The following AP3B2 variants were observed in gnomAD, a reference collection of about 807,000 sequenced individuals.
AP3B2 encodes AP-3 complex subunit beta-2.
Under a neutral mutation model 126.9 loss-of-function variants are expected in AP3B2, and 50 were observed. The ratio of observed to expected loss-of-function variants is 0.39; its 90% CI spans 0.31 to 0.50. The LOEUF (loss-of-function observed/expected upper bound fraction) is 0.50, where lower values mean the gene tolerates loss of function less well. Ranked by LOEUF, AP3B2 falls within the 20% of genes least tolerant of loss-of-function variation. AP3B2 has a pLI of 0.79. For missense variants in AP3B2, 1,177 were observed against 1,426.4 expected (o/e 0.83, Z 2.82); for synonymous variants, 541 against 565.0 (o/e 0.96, Z 0.60).
chr15:82,666,308 G>T (rs2048057042), intron 15 of AP3B2, among the ~76,000 whole-genome samples: 1 of 152,260 alleles, frequency 6.6e-6, no homozygotes, highest in Non-Finnish European at 1.5e-5. Flanking sequence ...CTGGGATTTG[G>T]ACTGACTGTA....
At chr15:82,661,354 C>T (rs2047944400) in intron 25 of AP3B2, among the ~76,000 whole-genome samples, 1 of 152,186 alleles carries the variant, frequency 6.6e-6, no homozygotes, top group Non-Finnish European at 1.5e-5. Flanking sequence ...ATGATCTTCC[C>T]TCCTCCCTTG....
intron 1 of AP3B2, among the ~76,000 whole-genome samples, chr15:82,707,970 C>G (rs1455489022): frequency 1.3e-5 from 2 of 152,100 alleles, no homozygotes; most frequent in Non-Finnish European, 2.9e-5. Flanking sequence ...GTTTGCTGCC[C>G]CAACACTTCA....
rs1477461350 is a variant in AP3B2 at position 82,677,571 on chromosome 15, G to A, written c.1378+100C>T. On this transcript the variant is annotated intron_variant, in intron 12 of 26. Coordinates refer to ENST00000535359, the MANE Select transcript of AP3B2 (RefSeq NM_001278512.2). ...ACAGACAGACCAATGGATACACATT[G>A]TGTCTAGGCAGACTGGTGGATATCC... The A allele has an allele frequency of 3.5e-6, 5 of 1,434,918 alleles. No individual in the cohort carries two copies. The East Asian group carries it at 1.0e-4, about 29-fold the overall frequency. The allele number at this position is 1,434,918 out of a possible 1,614,324, so 88.9% of individuals were successfully genotyped here.
At chr15:82,682,070 T>TTTTA (rs11388329) in intron 4 of AP3B2, among the ~76,000 whole-genome samples, 1 of 139,088 alleles carries the variant, frequency 7.2e-6, no homozygotes. Flanking sequence ...TTTTTTTTTT[T>TTTTA]GAGATGGAGT....
chr15:82,691,660 GA>G, intron 1 of AP3B2: 1 of 1,220,532 alleles, frequency 8.2e-7, no homozygotes, highest in Non-Finnish European at 1.1e-6. Flanking sequence ...CTGGAATGCA[GA>G]TTCTGAGCAC....
Position 82,681,187 on chromosome 15 carries a change from G to A in AP3B2, c.522-9C>T. ...TCTGGTCAGAGTCCAAACTGAGGGA[G>A]AAATCGGTGAGGGGAATTTGCCACT... On this transcript the variant is annotated splice_polypyrimidine_tract_variant and intron_variant, in intron 5 of 26. Transcript: ENST00000535359. The surrounding 1 kb of genome is among the most constrained non-coding windows in gnomAD (Gnocchi z 4.0). 1.2e-6 allele frequency: 2 copies of A among 1,608,548 alleles called. No individual in the cohort carries two copies. Among genetic ancestry groups the A allele is most frequent in the Non-Finnish European group, 1.7e-6 (2 of 1,177,462 alleles).
chr15:82,689,263 G>T (rs1442046070), intron 2 of AP3B2, 31 bp from the exon 3 acceptor site: 1 of 1,613,350 alleles, frequency 6.2e-7, no homozygotes, highest in African/African-American at 1.3e-5. Context: ...AGGGGAAGAG[G>T]GACAAAGCGA....
In AP3B2 at chr15:82,662,700, C is replaced by T. The variant is rs750043916; in HGVS notation, c.2827G>A (p.Glu943Lys). 1.1e-5 allele frequency: 17 copies of T among 1,612,264 alleles called. No homozygotes were observed. Among genetic ancestry groups the T allele is most frequent in the Admixed American group, 6.7e-5 (4 of 59,808 alleles). The change falls in exon 23 of 27, where the codon GAA becomes AAA. Residue 943 changes from glutamate to lysine, a missense_variant. Around this residue, in one of 5 missense-constraint regions of AP3B2, gnomAD observed 587 missense variants for 571.3 expected, o/e 1.03. Transcript: ENST00000535359. ...PAGISIQEFP[E>K]IESLAPGESA... is the part of the protein sequence containing the mutation. ...CATCCAAAGCCCTTCGCACCAATTT[C>T]GGGAAATTCTTGGATGCTGATGCCA...
rs1023951328 is a variant in AP3B2 at position 82,665,034 on chromosome 15, G to T, written c.2029-91C>A. On this transcript the variant is annotated intron_variant, in intron 17 of 26. Coordinates refer to ENST00000535359, the MANE Select transcript of AP3B2 (RefSeq NM_001278512.2). The surrounding 1 kb of genome is among the most constrained non-coding windows in gnomAD (Gnocchi z 4.4). ...CCCTTACCCTTTATTCCACCTCTTT[G>T]TGAGGCCCTACCTGGTCTGTCCCAC... 4 of 1,126,732 alleles carry T rather than the reference G, an allele frequency of 3.6e-6. No individual in the cohort carries two copies. Among genetic ancestry groups the T allele is most frequent in the Non-Finnish European group, 3.9e-6 (3 of 766,224 alleles). 69.8% of individuals were successfully genotyped at this position (1,126,732 alleles called of 1,614,324 possible). A position where few individuals can be genotyped will look rare whatever the true frequency, so the allele number is the denominator to read the frequency against.
chr15:82,704,247 A>G (rs1490596862), intron 1 of AP3B2, among the ~76,000 whole-genome samples: 1 of 152,228 alleles, frequency 6.6e-6, no homozygotes, highest in African/African-American at 2.4e-5. Flanking sequence ...CTTATTCTCA[A>G]TATACATTTT....
chr15:82,664,823 C>T lies in AP3B2; in HGVS notation c.2137+12G>A. On this transcript the variant is annotated intron_variant, in intron 18 of 26. Coordinates refer to ENST00000535359, the MANE Select transcript of AP3B2 (RefSeq NM_001278512.2). This position sits in a 1 kb window ranked among gnomAD's most constrained non-coding sequence, Gnocchi z 4.5. ...CAGAGCACAGAGGACCCCAGCTCTG[C>T]CATCTGCTCACCACTGTCTGCGGAC... 1 of 1,569,868 alleles carries T rather than the reference C, an allele frequency of 6.4e-7. No homozygotes were observed. Among genetic ancestry groups the T allele is most frequent in the Non-Finnish European group, 8.7e-7 (1 of 1,152,078 alleles).
At chr15:82,679,205 CCT>C (rs2048289772) in intron 10 of AP3B2, among the ~76,000 whole-genome samples, 1 of 152,194 alleles carries the variant, frequency 6.6e-6, no homozygotes, top group Admixed American at 6.5e-5. Context: ...CTCACTGCAA[CCT>C]CTGTCTCCCA....
Position 82,679,813 on chromosome 15 carries a change from A to G in AP3B2, c.1111-13T>C, listed in dbSNP as rs747022169. The G allele has an allele frequency of 6.2e-7, 1 of 1,613,192 alleles. No individual in the cohort carries two copies. Among genetic ancestry groups the G allele is most frequent in the Non-Finnish European group, 8.5e-7 (1 of 1,179,284 alleles). ...GCTCAAACATACCCTGGCACAAGAG[A>G]GGCAGCTAGGGAGCTCCACCGAAGC... is the stretch of plus-strand genomic sequence containing the variant. On this transcript the variant is annotated splice_polypyrimidine_tract_variant and intron_variant, in intron 9 of 26. Coordinates refer to ENST00000535359, the MANE Select transcript of AP3B2 (RefSeq NM_001278512.2).
intron 1 of AP3B2, chr15:82,689,813 G>A (rs1196971674): frequency 1.3e-5 from 3 of 235,140 alleles, no homozygotes; most frequent in Non-Finnish European, 2.5e-5. Context: ...TAAGAAGACA[G>A]CCATGTGGGC....
intron 10 of AP3B2, 44 bp downstream of exon 10, chr15:82,679,685 G>A: frequency 6.4e-7 from 1 of 1,557,616 alleles, no homozygotes; most frequent in Non-Finnish European, 8.9e-7. Context: ...GGTACATGGG[G>A]TGGGGAGGGC....
intron 14 of AP3B2, among the ~76,000 whole-genome samples, chr15:82,670,860 T>A (rs1363357283): frequency 1.3e-5 from 2 of 151,770 alleles, no homozygotes; most frequent in Non-Finnish European, 2.9e-5. Context: ...GAAAAAAAAA[T>A]TCAATAATCC....
chr15:82,679,914 T>G, intron 9 of AP3B2, 114 bp from the exon 10 acceptor site: 1 of 987,446 alleles, frequency 1.0e-6, no homozygotes, highest in Non-Finnish European at 1.6e-6. Flanking sequence ...TCCTCACCAC[T>G]GCCCTCCACT....
chr15:82,695,344 C>A (rs915764295), intron 1 of AP3B2, among the ~76,000 whole-genome samples: 21 of 152,066 alleles, frequency 1.4e-4, no homozygotes, highest in Admixed American at 1.4e-3. Flanking sequence ...AGTGATCCAC[C>A]CGCCTTGGCC....
intron 4 of AP3B2, chr15:82,688,462 A>G (rs544878816): frequency 6.8e-5 from 48 of 702,312 alleles, no homozygotes; most frequent in South Asian, 6.8e-4. Context: ...CGGGGGCTCA[A>G]GTGGTTCATA....
Sources: allele counts gnomAD v4.1 joint callset (sites outside exome capture counted in the v4.1 genomes callset), GRCh38; gene constraint gnomAD v4.1.1; regional missense constraint gnomAD v4.1.1; non-coding constraint Gnocchi (gnomAD v3.1); transcripts MANE v1.5; gene names NCBI Gene and HGNC (gene_info 2026-07-23, HGNC 2026-07-21).